The following MAGI2 variants were observed in gnomAD, a reference collection of about 807,000 sequenced individuals.
The protein encoded by MAGI2 is membrane-associated guanylate kinase, WW and PDZ domain-containing protein 2.
A neutral mutation model predicts 133.3 loss-of-function variants in MAGI2; 35 were observed. That is an observed-to-expected ratio of 0.26 (90% CI 0.20 to 0.35). The LOEUF is 0.35. Among genes scored for constraint, MAGI2 ranks in the 10% least tolerant of loss-of-function variants. MAGI2 has a pLI of 1.00. For synonymous variants in MAGI2, 729 were observed against 710.6 expected (o/e 1.03, Z -0.41); for missense variants, 1,636 against 1,863.4 (o/e 0.88, Z 2.25).
intron 2 of MAGI2, among the ~76,000 whole-genome samples, chr7:78,666,093 T>A (rs1383683860): frequency 1.3e-5 from 2 of 152,094 alleles, no homozygotes; most frequent in African/African-American, 4.8e-5. Context: ...AAATACTGCT[T>A]ATGTAACTTT....
chr7:78,610,876 T>G (rs1348655967), intron 3 of MAGI2, among the ~76,000 whole-genome samples: 1 of 152,156 alleles, frequency 6.6e-6, no homozygotes, highest in East Asian at 1.9e-4. Flanking sequence ...AGGGTAAATC[T>G]AGACTTTATT....
At chr7:78,426,647 G>A (rs545791651) in intron 6 of MAGI2, among the ~76,000 whole-genome samples, 1 of 151,850 alleles carries the variant, frequency 6.6e-6, no homozygotes, top group East Asian at 1.9e-4. Flanking sequence ...AATGAACAGA[G>A]CTTCAATAAT....
intron 2 of MAGI2, among the ~76,000 whole-genome samples, chr7:78,907,004 A>C (rs1393217257): frequency 1.3e-5 from 2 of 152,232 alleles, no homozygotes; most frequent in African/African-American, 4.8e-5. Flanking sequence ...TCTCAAACAA[A>C]AACTAGACAA....
At chr7:78,767,299 T>C (rs956373771) in intron 2 of MAGI2, among the ~76,000 whole-genome samples, 1 of 152,164 alleles carries the variant, frequency 6.6e-6, no homozygotes, top group African/African-American at 2.4e-5. Context: ...TATAACAAAG[T>C]TCTAACCTTT....
chr7:78,256,661 T>A, intron 9 of MAGI2, 80 bp from the exon 10 acceptor site: 1 of 1,149,266 alleles, frequency 8.7e-7, no homozygotes, highest in Non-Finnish European at 1.3e-6. Flanking sequence ...TTTACGAGAC[T>A]AGTGAGAGGT....
intron 11 of MAGI2, among the ~76,000 whole-genome samples, chr7:78,195,474 T>C (rs1007798356): frequency 1.3e-5 from 2 of 152,240 alleles, no homozygotes. Flanking sequence ...TCACTTTCAC[T>C]GGAGCAGAAG....
chr7:78,395,558 T>C (rs1268907754), intron 6 of MAGI2, among the ~76,000 whole-genome samples: 1 of 152,310 alleles, frequency 6.6e-6, no homozygotes, highest in Non-Finnish European at 1.5e-5. Context: ...TGCAGCTTAA[T>C]GTAGGGAGGA....
At chr7:78,065,196 A>T (rs1241029480) in intron 21 of MAGI2, among the ~76,000 whole-genome samples, 1 of 152,168 alleles carries the variant, frequency 6.6e-6, no homozygotes, top group Non-Finnish European at 1.5e-5. Flanking sequence ...GGACACAAAA[A>T]GGATAGCTTA....
chr7:79,084,094 A>C (rs1289689330), intron 1 of MAGI2, among the ~76,000 whole-genome samples: 1 of 151,654 alleles, frequency 6.6e-6, no homozygotes, highest in African/African-American at 2.4e-5. Context: ...TAATCTTTTC[A>C]AAGAATCAAT....
At chr7:78,354,890 G>A (rs1562876065) in intron 7 of MAGI2, among the ~76,000 whole-genome samples, 1 of 152,112 alleles carries the variant, frequency 6.6e-6, no homozygotes, top group Non-Finnish European at 1.5e-5. Context: ...CTAGGAGTGA[G>A]CAGGAGGCTA....
At chr7:78,323,085 CAA>C (rs3086514) in intron 9 of MAGI2, among the ~76,000 whole-genome samples, 41,130 of 147,752 alleles carry the variant, frequency 0.28, 5,983 homozygotes, top group African/African-American at 0.35. Context: ...GTAAAATTAC[CAA>C]AAAAAAATTT....
At chr7:78,070,633 T>C (rs1173108375) in intron 21 of MAGI2, among the ~76,000 whole-genome samples, 1 of 106,302 alleles carries the variant, frequency 9.4e-6, no homozygotes, top group Non-Finnish European at 1.9e-5. Flanking sequence ...TGTGTGTGTA[T>C]ATATATATAT....
chr7:78,717,136 G>A (rs1018583671), intron 2 of MAGI2, among the ~76,000 whole-genome samples: 4 of 152,046 alleles, frequency 2.6e-5, no homozygotes, highest in South Asian at 2.1e-4. Flanking sequence ...GCCTGCAAGC[G>A]GGAAAGGAGG....
intron 1 of MAGI2, among the ~76,000 whole-genome samples, chr7:79,399,095 C>T (rs11409505): frequency 0.02 from 2,124 of 105,324 alleles, 138 homozygotes; most frequent in East Asian, 0.11. Flanking sequence ...TTTTTCTTTT[C>T]TTTTTTTTTT....
chr7:79,308,745 C>T (rs1057312366), intron 1 of MAGI2, among the ~76,000 whole-genome samples: 5 of 152,072 alleles, frequency 3.3e-5, no homozygotes, highest in African/African-American at 1.2e-4. Context: ...TTCTATTGGG[C>T]ATTTACTAAG....
At chr7:79,336,770 C>A (rs1358074312) in intron 1 of MAGI2, among the ~76,000 whole-genome samples, 4 of 152,000 alleles carry the variant, frequency 2.6e-5, no homozygotes, top group African/African-American at 9.7e-5. Flanking sequence ...CATGTTTTGG[C>A]AAATGGCAGG....
chr7:79,334,802 C>A (rs1240682873), intron 1 of MAGI2, among the ~76,000 whole-genome samples: 3 of 152,124 alleles, frequency 2.0e-5, no homozygotes, highest in African/African-American at 7.2e-5. Context: ...CATAGTCTGT[C>A]CTCAAGACTG....
rs34641440 is a variant in MAGI2, at chr7:78,222,304, T to C, written c.2048-21111A>G. On this transcript the variant is annotated intron_variant, in intron 10 of 21. Transcript: ENST00000354212. Reference sequence around the variant, plus strand: ...TCAACTCCTGTACACAATCTATCAGTAAGTTCTCTAGCTTGCCAGCTTCAT... The same window carrying C: ...TCAACTCCTGTACACAATCTATCAGCAAGTTCTCTAGCTTGCCAGCTTCAT... 9.2e-3 allele frequency among the ~76,000 whole-genome samples: 1,406 copies of C among 152,312 alleles called. 12 individuals carry two copies. Among genetic ancestry groups the C allele is most frequent in the Middle Eastern group, 0.044 (13 of 294 alleles).
At chr7:78,374,429 A>G (rs774315463) in intron 6 of MAGI2, among the ~76,000 whole-genome samples, 1 of 151,978 alleles carries the variant, frequency 6.6e-6, no homozygotes, top group African/African-American at 2.4e-5. Flanking sequence ...TGCTTCTTCA[A>G]TTAAGTTTCT....
Sources: gnomAD v4.1 joint callset for allele counts (sites outside exome capture counted in the v4.1 genomes callset) on GRCh38, gnomAD v4.1.1 for gene constraint, MANE v1.5 for transcripts, NCBI Gene and HGNC (gene_info 2026-07-23, HGNC 2026-07-21) for gene names.